SLIT3: variants seen among roughly 807,000 people sequenced by gnomAD.
The protein encoded by SLIT3 is slit guidance ligand 3.
Under a neutral mutation model 184.0 loss-of-function variants are expected in SLIT3, and 68 were observed. The observed-to-expected ratio is 0.37, with a 90% CI of 0.30 to 0.45. The LOEUF (loss-of-function observed/expected upper bound fraction) is 0.45, where lower values mean the gene tolerates loss of function less well. Ranked by LOEUF, SLIT3 falls within the 20% of genes least tolerant of loss-of-function variation. The pLI is 1.00. For missense variants in SLIT3, 1,707 were observed against 2,026.0 expected (o/e 0.84, Z 3.02); for synonymous variants, 831 against 828.6 (o/e 1.00, Z -0.05).
At chr5:169,110,978 C>T (rs977822817) in intron 4 of SLIT3, among the ~76,000 whole-genome samples, 12 of 152,200 alleles carry the variant, frequency 7.9e-5, no homozygotes, top group Non-Finnish European at 1.6e-4. Context: ...ACTGCCCTGA[C>T]CACCTACTAC....
chr5:168,819,268 A>G (rs1757441651), intron 7 of SLIT3, among the ~76,000 whole-genome samples: 1 of 152,238 alleles, frequency 6.6e-6, no homozygotes, highest in Admixed American at 6.5e-5. Flanking sequence ...ACCTCTGTTT[A>G]TTCATTAAGC....
intron 4 of SLIT3, among the ~76,000 whole-genome samples, chr5:169,180,863 T>G (rs1763130097): frequency 6.6e-6 from 1 of 152,226 alleles, no homozygotes; most frequent in Non-Finnish European, 1.5e-5. Context: ...GTTTGATGGC[T>G]ACGCCCTTGA....
intron 20 of SLIT3, among the ~76,000 whole-genome samples, chr5:168,746,258 T>A (rs1763795809): frequency 3.3e-5 from 2 of 59,730 alleles, no homozygotes; most frequent in Non-Finnish European, 6.2e-5. Context: ...AAGCATCAGA[T>A]GTGTGTGGGT....
chr5:169,118,793 C>T (rs1220513496), intron 4 of SLIT3, among the ~76,000 whole-genome samples: 1 of 152,216 alleles, frequency 6.6e-6, no homozygotes, highest in Non-Finnish European at 1.5e-5. Flanking sequence ...ACTCTAGCCA[C>T]CTTTTCACCT....
At chr5:168,974,771 T>G (rs923719710) in intron 4 of SLIT3, among the ~76,000 whole-genome samples, 8 of 152,214 alleles carry the variant, frequency 5.3e-5, no homozygotes, top group African/African-American at 1.9e-4. Flanking sequence ...CTCTCAGCCA[T>G]GCCAACCTCT....
At chr5:168,823,418 T>G in intron 6 of SLIT3, 87 bp from the exon 7 acceptor site, 1 of 937,934 alleles carries the variant, frequency 1.1e-6, no homozygotes, top group Admixed American at 1.7e-5. Flanking sequence ...GAGGGATGGT[T>G]GTGACCGCAA....
At chr5:169,283,983 T>C (rs1767076222) in intron 1 of SLIT3, among the ~76,000 whole-genome samples, 2 of 152,172 alleles carry the variant, frequency 1.3e-5, no homozygotes, top group East Asian at 3.8e-4. Context: ...TCCCAGGAAC[T>C]ACCCGGGAAA....
chr5:168,856,527 G>T (rs1758874910), intron 5 of SLIT3, among the ~76,000 whole-genome samples: 1 of 152,102 alleles, frequency 6.6e-6, no homozygotes, highest in African/African-American at 2.4e-5. Flanking sequence ...TGCTTTGGGG[G>T]TACTCCCAAT....
At chr5:169,078,267 T>C (rs758416591) in intron 4 of SLIT3, among the ~76,000 whole-genome samples, 3 of 152,206 alleles carry the variant, frequency 2.0e-5, no homozygotes, top group Non-Finnish European at 4.4e-5. Flanking sequence ...AAAGATTCCC[T>C]GGCTTCCTAT....
At chr5:168,670,741 C>T (rs1761213589) in intron 34 of SLIT3, among the ~76,000 whole-genome samples, 1 of 152,136 alleles carries the variant, frequency 6.6e-6, no homozygotes. Flanking sequence ...ACTGACAGTA[C>T]TGGATCTCCT....
chr5:168,810,478 T>G (rs1757124544), intron 8 of SLIT3, among the ~76,000 whole-genome samples: 2 of 152,192 alleles, frequency 1.3e-5, no homozygotes, highest in Non-Finnish European at 2.9e-5. Flanking sequence ...TGTCTTCATT[T>G]TTAAATAAGT....
chr5:169,271,439 G>A (rs1040037303), intron 1 of SLIT3, among the ~76,000 whole-genome samples: 1 of 152,172 alleles, frequency 6.6e-6, no homozygotes, highest in Non-Finnish European at 1.5e-5. Flanking sequence ...TCAAATTAAA[G>A]GCTCCTCTCT....
chr5:168,946,240 G>T (rs1762480312), intron 4 of SLIT3, among the ~76,000 whole-genome samples: 1 of 152,146 alleles, frequency 6.6e-6, no homozygotes, highest in Non-Finnish European at 1.5e-5. Flanking sequence ...CTATCCAAGG[G>T]CCTGAGAGAC....
chr5:169,118,467 G>A (rs1471922832), intron 4 of SLIT3, among the ~76,000 whole-genome samples: 1 of 152,176 alleles, frequency 6.6e-6, no homozygotes, highest in Non-Finnish European at 1.5e-5. Context: ...TGAAAGGCCA[G>A]GTGAGACCAA....
intron 31 of SLIT3, among the ~76,000 whole-genome samples, 163 bp from the exon 32 acceptor site, chr5:168,684,259 G>T (rs1470292394): frequency 6.6e-6 from 1 of 152,064 alleles, no homozygotes; most frequent in Non-Finnish European, 1.5e-5. Context: ...TCCCCAGAAG[G>T]TAAGGCCTAG....
chr5:168,857,582 G>C (rs958678245), intron 5 of SLIT3, among the ~76,000 whole-genome samples: 1 of 152,124 alleles, frequency 6.6e-6, no homozygotes, highest in Non-Finnish European at 1.5e-5. Context: ...GGCACTCAGG[G>C]CTGCTGAGTT....
In SLIT3 at chr5:168,823,274, C is replaced by A; in HGVS notation, c.615G>T (p.Pro205=). The part of the protein sequence containing the change: ...RILVTSFNHM[P]KIRTLRLHSN... ...TTCTTACTCACAGAGTTCGGATCTT[C>A]GGCATGTGGTTGAAGCTGGTGACCA... The change falls in exon 7 of 36, where the codon CCG becomes CCT. Residue 205 remains proline (P), a synonymous_variant. Transcript: ENST00000519560. The A allele has an allele frequency of 6.2e-7, 1 of 1,613,856 alleles. No homozygotes were observed. Among genetic ancestry groups the A allele is most frequent in the Non-Finnish European group, 8.5e-7 (1 of 1,179,772 alleles).
At chr5:168,823,415 G>T in intron 6 of SLIT3, 84 bp from the exon 7 acceptor site, 1 of 954,342 alleles carries the variant, frequency 1.0e-6, no homozygotes, top group Non-Finnish European at 1.7e-6. Flanking sequence ...GGGGAGGGAT[G>T]GTTGTGACCG....
chr5:168,966,900 G>T lies in SLIT3; in HGVS notation c.414-83564C>A, dbSNP rs187246474. On this transcript the variant is annotated intron_variant, in intron 4 of 35. Coordinates refer to ENST00000519560, the MANE Select transcript of SLIT3 (RefSeq NM_003062.4). ...TAATGTCTTTCAGTTGAGCAATTTG[G>T]CAATATATTTCAAAAGCTCTTAACG... Among the ~76,000 whole-genome samples, 11 of 152,222 alleles carry T rather than the reference G, an allele frequency of 7.2e-5. No homozygotes were observed. The East Asian group carries it at 2.1e-3, about 29-fold the overall frequency.
Sources: allele counts gnomAD v4.1 joint callset (sites outside exome capture counted in the v4.1 genomes callset), GRCh38; gene constraint gnomAD v4.1.1; transcripts MANE v1.5; gene names NCBI Gene and HGNC (gene_info 2026-07-23, HGNC 2026-07-21).